TTN: variants seen among roughly 807,000 people sequenced by gnomAD.
TTN encodes connectin.
TTN carries 1,525 observed loss-of-function variants against 3,223.0 expected under a neutral mutation model. The ratio of observed to expected loss-of-function variants is 0.47; its 90% CI spans 0.45 to 0.49. The LOEUF (loss-of-function observed/expected upper bound fraction) is 0.49. Ranked by LOEUF, TTN falls within the 20% of genes least tolerant of loss-of-function variation. TTN has a pLI of 0.00. For missense variants in TTN, 40,786 were observed against 43,424.0 expected (o/e 0.94, Z 5.40); for synonymous variants, 14,094 against 15,161.0 (o/e 0.93, Z 5.17).
At position 178,723,547 on chromosome 2, in the gene TTN, T is replaced by A. The variant is rs552242411; in HGVS notation, c.21553A>T (p.Ile7185Phe). 18 of 1,613,462 alleles carry A rather than the reference T, an allele frequency of 1.1e-5. No individual in the cohort carries two copies. The highest frequency in any genetic ancestry group is 1.4e-5 in the Non-Finnish European group (17 of 1,179,616). Residue 7185 changes from isoleucine (I) to phenylalanine (F), a missense_variant, in exon 74 of 363, where the codon ATC becomes TTC. Coordinates refer to ENST00000589042, the MANE Select transcript of TTN (RefSeq NM_001267550.2). The stretch of plus-strand genomic sequence containing the variant: ...TCTGCCACAGTGTCTTCAAAATAGA[T>A]GTTGCACCGGTCTCCTTTCACTAGT... ...RELVKGDRCN[I>F]YFEDTVAELE...
chr2:178,784,206 T>G lies in TTN; in HGVS notation c.2639A>C (p.Gln880Pro). ...ATCTGGTGTGTCAGCGAAGGGGAACTGTGGCAAGGGTGTGGGCTCTGCCCT... is the reference window on the plus strand; with the variant it reads ...ATCTGGTGTGTCAGCGAAGGGGAACGGTGGCAAGGGTGTGGGCTCTGCCCT... ...RVRAEPTPLPQFPFADTPDTY... is the reference protein window; with the variant it reads ...RVRAEPTPLPPFPFADTPDTY... Residue 880 changes from glutamine (Q) to proline (P), a missense_variant, in exon 16 of 363, where the codon CAG becomes CCG. By Grantham distance (76) the Gln-to-Pro change is moderately conservative. Coordinates refer to ENST00000589042, the MANE Select transcript of TTN (RefSeq NM_001267550.2). 6.2e-7 allele frequency: 1 copy of G among 1,614,220 alleles called. No homozygotes were observed. The highest frequency in any genetic ancestry group is 8.5e-7 in the Non-Finnish European group (1 of 1,180,012).
intron 57 of TTN, 35 bp from the exon 58 acceptor site, chr2:178,732,006 G>T (rs2080620989): frequency 4.3e-5 from 68 of 1,591,200 alleles, no homozygotes; most frequent in Non-Finnish European, 5.8e-5. Flanking sequence ...CATTAAGGGA[G>T]GAGGGGTCTG....
In TTN at chr2:178,717,197, G is replaced by A; in HGVS notation, c.25537C>T (p.Leu8513=). The A allele has an allele frequency of 1.2e-6, 2 of 1,613,660 alleles. No individual in the cohort carries two copies. Among genetic ancestry groups the A allele is most frequent in the Non-Finnish European group, 1.7e-6 (2 of 1,179,660 alleles). ...CCTTTGCCTACTTTGAGAACTGTCAGAGTGGCAGTATTTTCTACCAAAGTC... is the reference window on the plus strand; with the variant it reads ...CCTTTGCCTACTTTGAGAACTGTCAAAGTGGCAGTATTTTCTACCAAAGTC... ...KMTLVENTAT[L]TVLKVGKGDA... The change falls in exon 88 of 363, where the codon CTG becomes TTG. Residue 8513 remains leucine (L), a synonymous_variant. Transcript: ENST00000589042.
At position 178,649,240 on chromosome 2, in the gene TTN, G is replaced by A. The variant is rs1422752695; in HGVS notation, c.40057+8C>T. 2.7e-6 allele frequency: 4 copies of A among 1,497,960 alleles called. No homozygotes were observed. Among genetic ancestry groups the A allele is most frequent in the South Asian group, 1.3e-5 (1 of 75,740 alleles). The allele number at this position is 1,497,960 out of a possible 1,614,324, so 92.8% of individuals were successfully genotyped here. On this transcript the variant is annotated splice_region_variant and intron_variant, in intron 213 of 362. Transcript: ENST00000589042. The stretch of plus-strand genomic sequence containing the variant: ...TAGAGAAATCTATTTTTTCTTCATG[G>A]TAGGTACCTTTTTCTGGAAGAACTT...
intron 220 of TTN, 65 bp from the exon 221 acceptor site, chr2:178,640,695 T>C: frequency 7.6e-7 from 1 of 1,308,982 alleles, no homozygotes; most frequent in Non-Finnish European, 1.1e-6. Context: ...TCATCTGAAA[T>C]ATCAATTTAT....
In TTN at chr2:178,645,947, C is replaced by T; in HGVS notation, c.40381G>A (p.Val13461Met). The part of the protein sequence containing the change: ...PPPPAPPKED[V>M]KEKIFQLKAI... Reference sequence around the variant, plus strand: ...TTAAGTTGGAATATTTTCTCCTTCACATCTTCCTTAGGTGGAGCAGGTGGA... The same window carrying T: ...TTAAGTTGGAATATTTTCTCCTTCATATCTTCCTTAGGTGGAGCAGGTGGA... The change falls in exon 217 of 363, where the codon GTG becomes ATG. Residue 13461 changes from valine to methionine, a missense_variant. Physicochemically the swap from Val to Met is conservative, Grantham distance 21 (BLOSUM62 1). Coordinates refer to ENST00000589042, the MANE Select transcript of TTN (RefSeq NM_001267550.2). The T allele has an allele frequency of 6.3e-7, 1 of 1,586,936 alleles. No homozygotes were observed. Among genetic ancestry groups the T allele is most frequent in the Non-Finnish European group, 8.6e-7 (1 of 1,168,422 alleles).
chr2:178,771,437 G>C lies in TTN; in HGVS notation c.7890C>G (p.Thr2630=). The C allele has an allele frequency of 6.2e-7, 1 of 1,613,844 alleles. No individual in the cohort carries two copies. The highest frequency in any genetic ancestry group is 8.5e-7 in the Non-Finnish European group (1 of 1,179,838). ...GAISKPLTDQ[T]VAESQEAVFE... ...ACACAGCTTCCTGGGATTCAGCTAC[G>C]GTCTGATCTGTGAGTGGCTTGGAGA... is the stretch of plus-strand genomic sequence containing the variant. Residue 2630 remains threonine (T), a synonymous_variant, in exon 34 of 363, where the codon ACC becomes ACG. Transcript: ENST00000589042.
At chr2:178,591,934 A>C in intron 302 of TTN, 42 bp from the exon 303 acceptor site, 1 of 1,606,544 alleles carries the variant, frequency 6.2e-7, no homozygotes, top group Non-Finnish European at 8.5e-7. Flanking sequence ...AATATTCTTA[A>C]AGACAGTCAA....
At chr2:178,760,414 C>A (rs1574430132) in intron 43 of TTN, among the ~76,000 whole-genome samples, 1 of 152,244 alleles carries the variant, frequency 6.6e-6, no homozygotes, top group East Asian at 1.9e-4. Flanking sequence ...CCTATAATCC[C>A]AGCTATTCAG....
rs757908626 is a variant in TTN at position 178,769,637 on chromosome 2, TTA to T, written c.8902+40_8902+41del. 1.2e-4 allele frequency: 157 copies of T among 1,297,182 alleles called. 1 individual carries two copies. The African/African-American group carries it at 3.0e-3, about 25-fold the overall frequency. The allele number at this position is 1,297,182 out of a possible 1,614,324, so 80.4% of individuals were successfully genotyped here. A position where few individuals can be genotyped will look rare whatever the true frequency, so the allele number is the denominator to read the frequency against. ...ATGAATCTACTGAATATTTGATATT[TTA>T]TATATATGTGTATATATATATATAT... On this transcript the variant is annotated intron_variant, in intron 37 of 362. Coordinates refer to ENST00000589042, the MANE Select transcript of TTN (RefSeq NM_001267550.2).
chr2:178,563,037 T>C lies in TTN; in HGVS notation c.83095A>G (p.Ile27699Val). The change falls in exon 326 of 363, where the codon ATC (isoleucine) becomes GTC (valine). Residue 27699 changes from isoleucine to valine, a missense_variant. Coordinates refer to ENST00000589042, the MANE Select transcript of TTN (RefSeq NM_001267550.2). The surrounding 1 kb of genome is among the most constrained non-coding windows in gnomAD (Gnocchi z 4.5). ...ASATLRLFVT[I>V]KGRPEPEVKW... ...ACTTCGGGTTCTGGTCGACCTTTGATAGTGACAAATAAGCGTAAAGTAGCA... is the reference window on the plus strand; with the variant it reads ...ACTTCGGGTTCTGGTCGACCTTTGACAGTGACAAATAAGCGTAAAGTAGCA... 1 of 1,613,662 alleles carries C rather than the reference T, an allele frequency of 6.2e-7. No individual in the cohort carries two copies. The highest frequency in any genetic ancestry group is 8.5e-7 in the Non-Finnish European group (1 of 1,179,688).
chr2:178,710,630 G>C lies in TTN; in HGVS notation c.28462+5C>G, dbSNP rs2076519869. 2 of 1,594,526 alleles carry C rather than the reference G, an allele frequency of 1.3e-6. No individual in the cohort carries two copies. The highest frequency in any genetic ancestry group is 1.7e-6 in the Non-Finnish European group (2 of 1,166,860). ...TTGTTGGACCACTTGCAAAATAAAC[G>C]ATACCTTTTATATTCAGCTGAGCTG... is the stretch of plus-strand genomic sequence containing the variant. On this transcript the variant is annotated splice_donor_5th_base_variant and intron_variant, in intron 98 of 362. Coordinates refer to ENST00000589042, the MANE Select transcript of TTN (RefSeq NM_001267550.2).
intron 121 of TTN, among the ~76,000 whole-genome samples, chr2:178,690,271 T>C (rs1161876906): frequency 6.6e-6 from 1 of 152,202 alleles, no homozygotes; most frequent in Non-Finnish European, 1.5e-5. Flanking sequence ...TTAATAACAA[T>C]GGCTTTAGTT....
chr2:178,758,488 T>C (rs1461534831), intron 44 of TTN, among the ~76,000 whole-genome samples: 1 of 152,218 alleles, frequency 6.6e-6, no homozygotes, highest in Non-Finnish European at 1.5e-5. Context: ...ACTTTAGGAC[T>C]GGACTTCTTA....
Position 178,777,720 on chromosome 2 carries a change from C to T in TTN, c.4464G>A (p.Thr1488=), listed in dbSNP as rs1287524221. The T allele has an allele frequency of 6.2e-6, 10 of 1,614,042 alleles. No individual in the cohort carries two copies. The highest frequency in any genetic ancestry group is 2.7e-5 in the African/African-American group (2 of 75,024). Residue 1488 remains threonine (T), a synonymous_variant, in exon 25 of 363, where the codon ACG becomes ACA. Transcript: ENST00000589042. ...CACGCTTACCATCATGAAACCAGAA[C>T]GTCTCTGGCATAGGTCTACCAACAA... ...LKVVGRPMPE[T]FWFHDGQQIV...
intron 209 of TTN, 77 bp downstream of exon 209, chr2:178,650,674 A>C: frequency 7.7e-7 from 1 of 1,303,654 alleles, no homozygotes; most frequent in Non-Finnish European, 1.1e-6. Context: ...ATAATGAGTT[A>C]GGAAGGAAGA....
At position 178,782,411 on chromosome 2, in the gene TTN, C is replaced by G; in HGVS notation, c.3181G>C (p.Asp1061His). The change falls in exon 20 of 363, where the codon GAT (aspartate) becomes CAT (histidine). Residue 1061 changes from aspartate (D) to histidine (H), a missense_variant. Asp to His is a moderately conservative substitution (Grantham distance 81). Coordinates refer to ENST00000589042, the MANE Select transcript of TTN (RefSeq NM_001267550.2). ...TEEKRFVESR[D>H]VVMTDTSLTE... ...AGGCTAGTATCAGTCATAACCACAT[C>G]TCTTGACTCAACAAAGCTGGAAAGA... 1 of 1,614,120 alleles carries G rather than the reference C, an allele frequency of 6.2e-7. No homozygotes were observed. The highest frequency in any genetic ancestry group is 8.5e-7 in the Non-Finnish European group (1 of 1,180,000).
In TTN at chr2:178,729,344, C is replaced by T; in HGVS notation, c.18812G>A (p.Cys6271Tyr). The T allele has an allele frequency of 6.2e-7, 1 of 1,613,476 alleles. No individual in the cohort carries two copies. The highest frequency in any genetic ancestry group is 1.7e-4 in the Middle Eastern group (1 of 6,048). The change falls in exon 64 of 363, where the codon TGC (cysteine) becomes TAC (tyrosine). Residue 6271 changes from cysteine (C) to tyrosine (Y), a missense_variant. Physicochemically the swap from Cys to Tyr is radical, Grantham distance 194. Transcript: ENST00000589042. ...GCTGCCGCCTTCATTGGATACAATGCACTGGTATTCCCCAGTGTCTGAAGG... is the reference window on the plus strand; with the variant it reads ...GCTGCCGCCTTCATTGGATACAATGTACTGGTATTCCCCAGTGTCTGAAGG... ...CDPSDTGEYQCIVSNEGGSCS... is the reference protein window; with the variant it reads ...CDPSDTGEYQYIVSNEGGSCS...
In TTN at chr2:178,546,333, A is replaced by T. The variant is rs1435716703; in HGVS notation, c.94998T>A (p.Tyr31666Ter). 6.2e-7 allele frequency: 1 copy of T among 1,613,738 alleles called. No homozygotes were observed. Among genetic ancestry groups the T allele is most frequent in the Non-Finnish European group, 8.5e-7 (1 of 1,179,790 alleles). ...TCACAGCAGTTGCTCGTTTGCCAGT[A>T]TACTGCAAAGAGACTTTTTCACAGA... ...LDLCEKVSLQ[Y>*]TGKRATAVIK... Residue 31666 changes from tyrosine to a stop codon, truncating the protein, a stop_gained, in exon 342 of 363, where the codon TAT (tyrosine) becomes TAA (stop). Transcript: ENST00000589042. LOFTEE classifies it high-confidence loss of function.
Sources: gnomAD v4.1 joint callset for allele counts (sites outside exome capture counted in the v4.1 genomes callset) on GRCh38, gnomAD v4.1.1 for gene constraint, Gnocchi (gnomAD v3.1) non-coding constraint, MANE v1.5 for transcripts, NCBI Gene and HGNC (gene_info 2026-07-23, HGNC 2026-07-21) for gene names.